Variants in SLC35D1 observed in about 807,000 individuals in gnomAD.
SLC35D1 encodes nucleotide sugar transporter SLC35D1.
SLC35D1 carries 31 observed loss-of-function variants against 46.7 expected under a neutral mutation model. The ratio of observed to expected loss-of-function variants is 0.66; its 90% CI spans 0.50 to 0.90. The LOEUF is 0.90. Among genes scored for constraint, SLC35D1 ranks in the 40% least tolerant of loss-of-function variants. The pLI, the probability that SLC35D1 is intolerant of heterozygous loss-of-function variation, is 0.00. For missense variants in SLC35D1, 397 were observed against 426.2 expected, an observed-to-expected ratio of 0.93 and a Z score of 0.60; for synonymous variants, 195 against 164.6, an observed-to-expected ratio of 1.18 and a Z score of -1.41.
chr1:67,008,504 T>C (rs1667496461), intron 11 of SLC35D1: 2 of 1,263,472 alleles, frequency 1.6e-6, no homozygotes, highest in South Asian at 2.5e-5. Context: ...GGGGCCTTGT[T>C]AGAATACTGC....
At chr1:67,037,668 AATC>A (rs1174548894) in intron 8 of SLC35D1, among the ~76,000 whole-genome samples, 1 of 152,230 alleles carries the variant, frequency 6.6e-6, no homozygotes, top group Non-Finnish European at 1.5e-5. Flanking sequence ...CCCATTTCTG[AATC>A]ATCAATTCAT....
rs183805701 is a variant in SLC35D1, at chr1:67,052,643, T to C, written c.324+128A>G. On this transcript the variant is annotated intron_variant, in intron 3 of 11. Coordinates refer to ENST00000235345, the MANE Select transcript of SLC35D1 (RefSeq NM_015139.3). Reference sequence around the variant, plus strand: ...CATATTACTACTTTTATTCTTTACATTCATTATAACCACTCTAGACTGGGC... The same window carrying C: ...CATATTACTACTTTTATTCTTTACACTCATTATAACCACTCTAGACTGGGC... 2,183 of 845,784 alleles carry C rather than the reference T, an allele frequency of 2.6e-3. 4 individuals are homozygous for C. The highest frequency in any genetic ancestry group is 3.7e-3 in the Non-Finnish European group (1,903 of 519,208). 52.4% of individuals were successfully genotyped at this position (845,784 alleles called of 1,614,324 possible). A position where few individuals can be genotyped will look rare whatever the true frequency, so the allele number is the denominator to read the frequency against.
the SLC35D1 span, chr1:66,986,273 A>G: frequency 1.4e-6 from 2 of 1,437,576 alleles, no homozygotes; most frequent in Admixed American, 5.4e-5. Flanking sequence ...CCATCTGCAT[A>G]GCCTTGTAAA....
chr1:67,035,901 C>T (rs1668113899), intron 8 of SLC35D1, among the ~76,000 whole-genome samples: 1 of 147,480 alleles, frequency 6.8e-6, no homozygotes, highest in Admixed American at 6.8e-5. Context: ...TTTCCATTAT[C>T]ATTTGTTTCA....
the SLC35D1 span, among the ~76,000 whole-genome samples, chr1:66,988,906 G>C: frequency 6.6e-6 from 1 of 152,110 alleles, no homozygotes. Flanking sequence ...AAGTGTTAAT[G>C]GTAGAAAAGT....
At chr1:66,982,770 T>C in the SLC35D1 span, among the ~76,000 whole-genome samples, 1 of 152,212 alleles carries the variant, frequency 6.6e-6, no homozygotes, top group African/African-American at 2.4e-5. Flanking sequence ...ATATGCTTAG[T>C]TCATTTCATG....
At chr1:67,017,060 C>T (rs921899589) in intron 10 of SLC35D1, among the ~76,000 whole-genome samples, 2 of 152,136 alleles carry the variant, frequency 1.3e-5, no homozygotes, top group Non-Finnish European at 1.5e-5. Context: ...TTGGCTTAGC[C>T]TCCTGGCCTT....
chr1:67,012,371 T>C (rs532552883), intron 10 of SLC35D1, among the ~76,000 whole-genome samples: 52 of 152,146 alleles, frequency 3.4e-4, no homozygotes, highest in Admixed American at 5.2e-4. Flanking sequence ...GGCGGGGGCA[T>C]GGGAACTTTG....
At chr1:67,032,302 TTTAA>T (rs1337515817) in intron 8 of SLC35D1, among the ~76,000 whole-genome samples, 7 of 152,270 alleles carry the variant, frequency 4.6e-5, no homozygotes, top group African/African-American at 1.4e-4. Flanking sequence ...TTTAAATTTG[TTTAA>T]TTGTTATTTT....
chr1:67,010,410 G>GAA (rs201181849), intron 10 of SLC35D1, among the ~76,000 whole-genome samples: 1,976 of 152,256 alleles, frequency 0.013, 17 homozygotes, highest in Non-Finnish European at 0.019. Flanking sequence ...ACTGTTTTTA[G>GAA]AGGAATCTTC....
intron 8 of SLC35D1, among the ~76,000 whole-genome samples, chr1:67,027,820 C>T (rs1262350601): frequency 1.3e-5 from 2 of 152,114 alleles, no homozygotes; most frequent in African/African-American, 4.8e-5. Flanking sequence ...CAATCTCTGC[C>T]TCCTGGATTC....
Position 67,047,249 on chromosome 1 carries a change from T to G in SLC35D1, c.636+16A>C. The G allele has an allele frequency of 6.3e-7, 1 of 1,598,058 alleles. No homozygotes were observed. Among genetic ancestry groups the G allele is most frequent in the Non-Finnish European group, 8.6e-7 (1 of 1,167,150 alleles). ...ACATCAGTACACAACTGTTAAAGCT[T>G]TAGATTGCTACTTACTTTTGAATCT... is the stretch of plus-strand genomic sequence containing the variant. On this transcript the variant is annotated intron_variant, in intron 7 of 11. Transcript: ENST00000235345.
chr1:66,986,387 TG>T, the SLC35D1 span: 1 of 1,609,516 alleles, frequency 6.2e-7, no homozygotes, highest in Non-Finnish European at 8.5e-7. Context: ...TAATTATTCT[TG>T]TTTTTCTCAC....
intron 4 of SLC35D1, among the ~76,000 whole-genome samples, chr1:67,051,106 T>C (rs1391390855): frequency 6.6e-6 from 1 of 152,248 alleles, no homozygotes; most frequent in East Asian, 1.9e-4. Context: ...AGCAGCACTT[T>C]GCAGAAGGCC....
At chr1:66,998,315 C>T (rs183119846), downstream of SLC35D1, among the ~76,000 whole-genome samples, 19 of 152,116 alleles carry the variant, frequency 1.2e-4, no homozygotes, top group African/African-American at 4.1e-4. Context: ...ATGATGAAAA[C>T]CCGTCTCTAC....
chr1:67,041,439 C>T (rs541919934), intron 8 of SLC35D1, among the ~76,000 whole-genome samples: 5 of 152,296 alleles, frequency 3.3e-5, no homozygotes, highest in African/African-American at 1.2e-4. Context: ...TTTATTTTAG[C>T]TCCCACAAAC....
At chr1:67,023,890 C>A (rs1667863176) in intron 8 of SLC35D1, among the ~76,000 whole-genome samples, 1 of 151,834 alleles carries the variant, frequency 6.6e-6, no homozygotes, top group South Asian at 2.1e-4. Context: ...ATATGCTATA[C>A]ACACACATAC....
chr1:67,031,903 A>G (rs1464221072), intron 8 of SLC35D1: 2 of 238,072 alleles, frequency 8.4e-6, no homozygotes, highest in Non-Finnish European at 1.4e-5. Flanking sequence ...GATAGGAAAT[A>G]GAAGGCATGG....
intron 10 of SLC35D1, among the ~76,000 whole-genome samples, chr1:67,010,813 T>C (rs1177688878): frequency 6.6e-6 from 1 of 152,180 alleles, no homozygotes; most frequent in Non-Finnish European, 1.5e-5. Context: ...TATATTTCTT[T>C]AACATACAGT....
Sources: gnomAD v4.1 joint callset for allele counts (sites outside exome capture counted in the v4.1 genomes callset) on GRCh38, gnomAD v4.1.1 for gene constraint, MANE v1.5 for transcripts, NCBI Gene and HGNC (gene_info 2026-07-23, HGNC 2026-07-21) for gene names.